Variants in HORMAD2 observed in about 807,000 individuals in gnomAD.
HORMAD2 encodes HORMA domain-containing protein 2.
A neutral mutation model predicts 38.8 loss-of-function variants in HORMAD2; 45 were observed. That is an observed-to-expected ratio of 1.16 (90% CI 0.91 to 1.49). HORMAD2 has a LOEUF of 1.49. Ranked by LOEUF, HORMAD2 falls within the 40% of genes most tolerant of loss-of-function variation. The pLI is 0.00. For missense variants in HORMAD2, 338 were observed against 367.0 expected, an observed-to-expected ratio of 0.92 and a Z score of 0.65; for synonymous variants, 126 against 122.8, an observed-to-expected ratio of 1.03 and a Z score of -0.17.
At chr22:30,093,051 GC>G (rs1285923332) in intron 1 of HORMAD2, among the ~76,000 whole-genome samples, 20 of 152,190 alleles carry the variant, frequency 1.3e-4, no homozygotes, top group Admixed American at 1.0e-3. Flanking sequence ...GACAGGGATT[GC>G]ATTTGAATCT....
chr22:30,173,712 G>A (rs149454366), intron 10 of HORMAD2, among the ~76,000 whole-genome samples: 21 of 152,330 alleles, frequency 1.4e-4, no homozygotes, highest in African/African-American at 4.8e-4. Context: ...AAATGTGGGG[G>A]TCTTTGCTTA....
intron 10 of HORMAD2, among the ~76,000 whole-genome samples, chr22:30,127,199 C>CTTTTTTTTTTT (rs757608874): frequency 1.3e-5 from 1 of 79,818 alleles, no homozygotes; most frequent in African/African-American, 4.9e-5. Flanking sequence ...AACAGAAGTT[C>CTTTTTTTTTTT]TTTTTTTTTT....
chr22:30,150,669 G>T (rs183470051), intron 10 of HORMAD2, among the ~76,000 whole-genome samples: 4 of 152,238 alleles, frequency 2.6e-5, no homozygotes, highest in Non-Finnish European at 4.4e-5. Flanking sequence ...TTTGGGAGAA[G>T]TCCCAAAATC....
the HORMAD2 span, among the ~76,000 whole-genome samples, chr22:30,196,844 G>T: frequency 6.6e-6 from 1 of 152,200 alleles, no homozygotes; most frequent in Non-Finnish European, 1.5e-5. Context: ...ACATGAAATT[G>T]CTCACCCTCT....
At chr22:30,128,994 C>T (rs1347233113) in intron 10 of HORMAD2, among the ~76,000 whole-genome samples, 1 of 151,920 alleles carries the variant, frequency 6.6e-6, no homozygotes, top group Non-Finnish European at 1.5e-5. Context: ...GCAGGTGGAT[C>T]ACAAGGTCAG....
At chr22:30,095,900 A>G (rs2146078162) in intron 2 of HORMAD2, among the ~76,000 whole-genome samples, 1 of 152,320 alleles carries the variant, frequency 6.6e-6, no homozygotes, top group South Asian at 2.1e-4. Flanking sequence ...ATCAGAAACC[A>G]GAACACTACC....
chr22:30,113,474 G>C (rs1219830835), intron 7 of HORMAD2, among the ~76,000 whole-genome samples: 1 of 152,026 alleles, frequency 6.6e-6, no homozygotes, highest in Non-Finnish European at 1.5e-5. Context: ...CCTAACCTCA[G>C]TGATCTTCCT....
At position 30,093,905 on chromosome 22, in the gene HORMAD2, T is replaced by G. The variant is rs991990445; in HGVS notation, c.-37-11T>G. The G allele has an allele frequency of 2.2e-6, 3 of 1,354,988 alleles. No homozygotes were observed. Among genetic ancestry groups the G allele is most frequent in the South Asian group, 1.3e-5 (1 of 74,570 alleles). 83.9% of individuals were successfully genotyped at this position (1,354,988 alleles called of 1,614,324 possible). A position where few individuals can be genotyped will look rare whatever the true frequency, so the allele number is the denominator to read the frequency against. ...GGCAAGGTCTCTAATTAATTAATTA[T>G]TTTTTAATAGGTTGGACTTGTTGAA... On this transcript the variant is annotated splice_polypyrimidine_tract_variant and intron_variant, in intron 1 of 10. Transcript: ENST00000336726.
At chr22:30,159,582 C>T (rs972756248) in intron 10 of HORMAD2, among the ~76,000 whole-genome samples, 31 of 152,136 alleles carry the variant, frequency 2.0e-4, no homozygotes, top group African/African-American at 5.6e-4. Context: ...AGTCAAAAAT[C>T]GAATGTTTGC....
chr22:30,128,869 G>A (rs952968263), intron 10 of HORMAD2, among the ~76,000 whole-genome samples: 1 of 152,182 alleles, frequency 6.6e-6, no homozygotes, highest in African/African-American at 2.4e-5. Context: ...TGACCTCTAA[G>A]ATATCTTTCA....
chr22:30,097,121 C>T (rs2068796646), intron 2 of HORMAD2, among the ~76,000 whole-genome samples: 1 of 152,116 alleles, frequency 6.6e-6, no homozygotes, highest in Non-Finnish European at 1.5e-5. Flanking sequence ...AAAGCAGCCT[C>T]ACAGAATAAT....
At chr22:30,155,099 A>C (rs1020907914) in intron 10 of HORMAD2, among the ~76,000 whole-genome samples, 2 of 151,960 alleles carry the variant, frequency 1.3e-5, no homozygotes, top group Non-Finnish European at 2.9e-5. Flanking sequence ...AAAAGAAAGA[A>C]AGAAAGAAGG....
At chr22:30,089,865 C>G (rs766739328) in intron 1 of HORMAD2, among the ~76,000 whole-genome samples, 3 of 152,130 alleles carry the variant, frequency 2.0e-5, no homozygotes, top group Non-Finnish European at 4.4e-5. Flanking sequence ...AACTCTATAC[C>G]TATTAAACTC....
intron 3 of HORMAD2, among the ~76,000 whole-genome samples, chr22:30,100,134 C>T (rs900587560): frequency 2.0e-5 from 3 of 152,098 alleles, no homozygotes; most frequent in Non-Finnish European, 2.9e-5. Context: ...CAAGAAAATC[C>T]TAAGCAAAAA....
chr22:30,186,924 G>A, the HORMAD2 span, among the ~76,000 whole-genome samples: 2 of 151,976 alleles, frequency 1.3e-5, no homozygotes, highest in South Asian at 2.1e-4. Flanking sequence ...GGGGGTCATC[G>A]TATATCTTTG....
upstream of HORMAD2, chr22:30,080,268 G>A (rs1601486721): frequency 6.6e-6 from 1 of 152,458 alleles, no homozygotes; most frequent in African/African-American, 2.4e-5. Flanking sequence ...GAGGGGCCGG[G>A]CGGGCTAGGG....
At chr22:30,156,451 TA>T (rs890739030) in intron 10 of HORMAD2, among the ~76,000 whole-genome samples, 2 of 152,120 alleles carry the variant, frequency 1.3e-5, no homozygotes, top group Admixed American at 6.5e-5. Flanking sequence ...AACAACCAGA[TA>T]AAAAAAGAAA....
At chr22:30,195,897 G>A in the HORMAD2 span, among the ~76,000 whole-genome samples, 9 of 152,206 alleles carry the variant, frequency 5.9e-5, no homozygotes, top group African/African-American at 2.2e-4. Context: ...ATGGCCGAAG[G>A]GGGTGGGGAG....
intron 2 of HORMAD2, among the ~76,000 whole-genome samples, chr22:30,094,647 CAA>C (rs1205478118): frequency 6.6e-6 from 1 of 152,006 alleles, no homozygotes; most frequent in Non-Finnish European, 1.5e-5. Flanking sequence ...AAGAGTAAGA[CAA>C]TGCAAATTAT....
Sources: allele counts gnomAD v4.1 joint callset (sites outside exome capture counted in the v4.1 genomes callset), GRCh38; gene constraint gnomAD v4.1.1; transcripts MANE v1.5; gene names NCBI Gene and HGNC (gene_info 2026-07-23, HGNC 2026-07-21).